DMD: variants seen among roughly 807,000 people sequenced by gnomAD.
DMD encodes the protein mutant dystrophin.
DMD carries 63 observed loss-of-function variants against 330.1 expected under a neutral mutation model. That is an observed-to-expected ratio of 0.19 (90% confidence interval 0.16 to 0.24). The LOEUF (loss-of-function observed/expected upper bound fraction) is 0.24, where lower values mean the gene tolerates loss of function less well. Among genes scored for constraint, DMD ranks in the 10% least tolerant of loss-of-function variants. The pLI is 1.00. For missense variants in DMD, 3,344 were observed against 2,684.1 expected, an observed-to-expected ratio of 1.25 and a Z score of -5.43; for synonymous variants, 1,223 against 959.8, an observed-to-expected ratio of 1.27 and a Z score of -5.07.
intron 12 of DMD, among the ~76,000 whole-genome samples, chrX:32,597,384 C>A (rs1256193287): frequency 9.0e-6 from 1 of 111,567 alleles, no homozygotes; most frequent in East Asian, 2.8e-4. Context: ...AAATAAAGAT[C>A]AATAAACATT....
chrX:32,023,666 T>C lies in DMD; in HGVS notation c.6439-55152A>G, dbSNP rs1217164596. ...TATAACATCACAGCACTATTCACAA[T>C]GGCAAAGACATGCAATCAACCTAGG... is the stretch of plus-strand genomic sequence containing the variant. On this transcript the variant is annotated intron_variant, in intron 44 of 78. Coordinates refer to ENST00000357033, the MANE Select transcript of DMD (RefSeq NM_004006.3). 1.3e-4 allele frequency among the ~76,000 whole-genome samples: 14 copies of C among 111,647 alleles called. No homozygotes were observed. The Admixed American group carries it at 1.3e-3, about 11-fold the overall frequency.
At chrX:32,040,634 G>T (rs914742608) in intron 44 of DMD, among the ~76,000 whole-genome samples, 1 of 111,584 alleles carries the variant, frequency 9.0e-6, no homozygotes, top group South Asian at 3.7e-4. Context: ...GGTTTCCGAA[G>T]AGGGGGCCTG....
intron 44 of DMD, among the ~76,000 whole-genome samples, chrX:32,172,991 G>T (rs2096893105): frequency 9.2e-6 from 1 of 108,531 alleles, no homozygotes; most frequent in Admixed American, 1.0e-4. Flanking sequence ...ATAGGATTTT[G>T]TTTTAAGGAC....
chrX:33,331,500 G>T (rs1481834364), intron 1 of DMD, among the ~76,000 whole-genome samples: 1 of 111,669 alleles, frequency 9.0e-6, no homozygotes, highest in African/African-American at 3.3e-5. Flanking sequence ...ATTTTATCCT[G>T]GGAGTGTTAT....
intron 60 of DMD, among the ~76,000 whole-genome samples, chrX:31,377,546 G>A (rs1054426711): frequency 1.8e-5 from 2 of 112,161 alleles, no homozygotes; most frequent in African/African-American, 3.2e-5. Context: ...GTTAACTATC[G>A]AGAGTCAGCC....
Position 33,266,457 on chromosome X carries a change from G to A in DMD, c.7+72802C>T, listed in dbSNP as rs144133262. Among the ~76,000 whole-genome samples, 286 of 111,599 alleles carry A rather than the reference G, an allele frequency of 2.6e-3. 3 individuals carry two copies. In the East Asian group the frequency reaches 0.062, roughly 24 times the overall value. Reference sequence around the variant, plus strand: ...CTGCAAAAGTGTTTCATTGAGTACAGCGTTCAATACCTCGTCAAATAGGAG... The same window carrying A: ...CTGCAAAAGTGTTTCATTGAGTACAACGTTCAATACCTCGTCAAATAGGAG... On this transcript the variant is annotated intron_variant, in intron 1 of 17. Coordinates refer to the DMD transcript ENST00000288447.
chrX:31,939,381 C>T (rs2094962826), intron 45 of DMD, among the ~76,000 whole-genome samples: 1 of 111,831 alleles, frequency 8.9e-6, no homozygotes, highest in Admixed American at 9.6e-5. Context: ...TCATTTATGC[C>T]TCACTATTAA....
rs1328442590 is a variant in DMD, at chrX:31,120,713, C to A, written c.*1206G>T. Reference sequence around the variant, plus strand: ...TCCTTCACAGGGATGGGCTGGGAATCCATAGCCCTCCAGCCCTATCATCGT... The same window carrying A: ...TCCTTCACAGGGATGGGCTGGGAATACATAGCCCTCCAGCCCTATCATCGT... On this transcript the variant is annotated 3_prime_UTR_variant, in exon 79 of 79. Transcript: ENST00000357033. 9.0e-6 allele frequency: 1 copy of A among 110,613 alleles called. No homozygotes were observed. Among genetic ancestry groups the A allele is most frequent in the Non-Finnish European group, 1.9e-5 (1 of 52,946 alleles). The allele number at this position is 110,613 out of a possible 1,213,427, so 9.1% of individuals were successfully genotyped here.
At chrX:31,390,909 C>G (rs2060654276) in intron 60 of DMD, among the ~76,000 whole-genome samples, 1 of 111,457 alleles carries the variant, frequency 9.0e-6, no homozygotes. Context: ...CCAGCCTTGT[C>G]CTGTACCACT....
At chrX:31,272,069 G>A (rs2051676752) in intron 62 of DMD, among the ~76,000 whole-genome samples, 1 of 111,257 alleles carries the variant, frequency 9.0e-6, no homozygotes, top group Admixed American at 9.5e-5. Flanking sequence ...CCAGACTCAG[G>A]AAAGTTCTCT....
chrX:32,328,313 A>C (rs188496904), intron 41 of DMD, among the ~76,000 whole-genome samples: 3 of 112,122 alleles, frequency 2.7e-5, no homozygotes, highest in Admixed American at 9.5e-5. Context: ...CCAGAGGATG[A>C]AAATATTTAT....
At chrX:32,577,549 G>A (rs1441024633) in intron 13 of DMD, among the ~76,000 whole-genome samples, 9 of 112,267 alleles carry the variant, frequency 8.0e-5, no homozygotes, top group East Asian at 2.8e-4. Context: ...AGAGTTGGTC[G>A]TTGTTTACAA....
intron 67 of DMD, among the ~76,000 whole-genome samples, chrX:31,190,202 G>C (rs146883935): frequency 0.029 from 3,265 of 111,911 alleles, 51 homozygotes; most frequent in Non-Finnish European, 0.046. Context: ...TTTGGAATTA[G>C]AAATGAGGAT....
At chrX:31,663,497 A>G (rs941613576) in intron 53 of DMD, among the ~76,000 whole-genome samples, 2 of 111,809 alleles carry the variant, frequency 1.8e-5, no homozygotes, top group African/African-American at 6.5e-5. Context: ...ACTGAAAGAA[A>G]TCTCACAGTA....
At chrX:32,836,399 T>C (rs973852359) in intron 4 of DMD, among the ~76,000 whole-genome samples, 4 of 111,253 alleles carry the variant, frequency 3.6e-5, no homozygotes, top group African/African-American at 1.3e-4. Flanking sequence ...TTTCTATATC[T>C]CATACTTAAT....
chrX:31,592,645 C>CT (rs1206295713), intron 55 of DMD, among the ~76,000 whole-genome samples: 1 of 109,477 alleles, frequency 9.1e-6, no homozygotes, highest in East Asian at 2.8e-4. Flanking sequence ...ACCCAAGGCT[C>CT]TTTTTTTGCT....
At position 31,481,581 on chromosome X, in the gene DMD, G is replaced by A. The variant is rs1255177944; in HGVS notation, c.8548-2478C>T. Among the ~76,000 whole-genome samples the A allele has an allele frequency of 4.5e-5, 5 of 111,864 alleles. No homozygotes were observed. In the East Asian group the frequency reaches 1.4e-3, roughly 31 times the overall value. ...TTGAGTAGATGAGCAAACGCTGGGT[G>A]CAATTCAACTAAGTATGAGGAAATA... On this transcript the variant is annotated intron_variant, in intron 57 of 78. Transcript: ENST00000357033.
At chrX:31,478,439 C>A in intron 58 of DMD, 65 bp from the exon 59 acceptor site, 2 of 1,184,671 alleles carry the variant, frequency 1.7e-6, no homozygotes, top group South Asian at 3.6e-5. Flanking sequence ...TCAAAAAGGT[C>A]ATACTGGAAG....
chrX:33,165,194 C>T (rs1379117695), intron 1 of DMD, among the ~76,000 whole-genome samples: 1 of 111,497 alleles, frequency 9.0e-6, no homozygotes, highest in South Asian at 3.7e-4. Context: ...AGAACTGCTG[C>T]TCCTTCCTCC....
Sources: gnomAD v4.1 joint callset for allele counts (sites outside exome capture counted in the v4.1 genomes callset) on GRCh38, gnomAD v4.1.1 for gene constraint, MANE v1.5 for transcripts, NCBI Gene and HGNC (gene_info 2026-07-23, HGNC 2026-07-21) for gene names.